The following SAMTOR variants were observed in gnomAD, a reference collection of about 807,000 sequenced individuals.
The protein encoded by SAMTOR is UPF0532 protein C7orf60.
chr7:112,845,008 T>C, the SAMTOR span, among the ~76,000 whole-genome samples: 3 of 152,094 alleles, frequency 2.0e-5, no homozygotes, highest in African/African-American at 7.2e-5. Context: ...GGACACTGAA[T>C]AAATGGTGCT....
chr7:112,932,951 T>C, the SAMTOR span, among the ~76,000 whole-genome samples: 2 of 152,236 alleles, frequency 1.3e-5, no homozygotes, highest in African/African-American at 4.8e-5. Flanking sequence ...AAAAACATTA[T>C]GCTGCTAAAC....
chr7:112,849,845 G>T, the SAMTOR span, among the ~76,000 whole-genome samples: 63 of 152,182 alleles, frequency 4.1e-4, no homozygotes, highest in Non-Finnish European at 7.9e-4. Context: ...TGTGTCTATT[G>T]AAGTGATCAT....
the SAMTOR span, among the ~76,000 whole-genome samples, chr7:112,916,990 T>G: frequency 2.2e-4 from 34 of 152,210 alleles, no homozygotes; most frequent in African/African-American, 8.0e-4. Context: ...CCTGCCTGCC[T>G]GCCTCTGTAG....
chr7:112,838,191 A>G, the SAMTOR span, among the ~76,000 whole-genome samples: 1 of 151,956 alleles, frequency 6.6e-6, no homozygotes, highest in South Asian at 2.1e-4. Context: ...ATTTTTTGCC[A>G]CAAGTATTGA....
chr7:112,880,992 C>T, the SAMTOR span, among the ~76,000 whole-genome samples: 2 of 151,940 alleles, frequency 1.3e-5, no homozygotes, highest in African/African-American at 2.4e-5. Flanking sequence ...AAGAGCCCCA[C>T]CCTCCTGGGC....
chr7:112,822,514 GA>G, the SAMTOR span: 1 of 740,224 alleles, frequency 1.4e-6, no homozygotes, highest in African/African-American at 1.8e-5. Flanking sequence ...TATTAAACTT[GA>G]ACAGATGTAT....
the SAMTOR span, among the ~76,000 whole-genome samples, chr7:112,886,149 T>C: frequency 2.0e-5 from 3 of 152,226 alleles, no homozygotes; most frequent in Admixed American, 6.5e-5. Context: ...ACCACCCCCA[T>C]GATTTAATTA....
At chr7:112,869,743 G>A in the SAMTOR span, among the ~76,000 whole-genome samples, 804 of 152,242 alleles carry the variant, frequency 5.3e-3, 6 homozygotes, top group African/African-American at 0.018. Context: ...TGACTGAAAT[G>A]ATACAGAATT....
the SAMTOR span, among the ~76,000 whole-genome samples, chr7:112,875,259 C>T: frequency 6.6e-6 from 1 of 152,126 alleles, no homozygotes; most frequent in Admixed American, 6.5e-5. Flanking sequence ...TAGTTGTGGT[C>T]ACTGGGTTGA....
the SAMTOR span, among the ~76,000 whole-genome samples, chr7:112,834,782 T>C: frequency 1.3e-5 from 2 of 152,110 alleles, no homozygotes; most frequent in East Asian, 3.9e-4. Context: ...AGGTCAACAG[T>C]AGCCTAACGC....
At chr7:112,832,826 T>TATCTATTAATA in the SAMTOR span, 1 of 581,466 alleles carries the variant, frequency 1.7e-6, no homozygotes, top group East Asian at 2.9e-5. Flanking sequence ...CTGTGAGTTA[T>TATCTATTAATA]ATCTATTAAT....
the SAMTOR span, among the ~76,000 whole-genome samples, chr7:112,894,609 A>G: frequency 6.6e-6 from 1 of 152,132 alleles, no homozygotes; most frequent in African/African-American, 2.4e-5. Context: ...GGCAAGAGAG[A>G]ATGAGAGCCA....
At chr7:112,914,183 G>A in the SAMTOR span, among the ~76,000 whole-genome samples, 22 of 150,846 alleles carry the variant, frequency 1.5e-4, no homozygotes, top group African/African-American at 5.1e-4. Context: ...AAAATGGAAA[G>A]AAAATGTAAA....
At chr7:112,841,050 C>T in the SAMTOR span, among the ~76,000 whole-genome samples, 4 of 151,942 alleles carry the variant, frequency 2.6e-5, no homozygotes, top group African/African-American at 9.7e-5. Context: ...TCTCACGACT[C>T]CTATTCAACA....
chr7:112,886,686 C>A, the SAMTOR span, among the ~76,000 whole-genome samples: 7 of 152,286 alleles, frequency 4.6e-5, no homozygotes, highest in African/African-American at 1.7e-4. Context: ...TTGGGGAAAA[C>A]TAACACTGGC....
the SAMTOR span, among the ~76,000 whole-genome samples, chr7:112,925,582 T>C: frequency 6.6e-6 from 1 of 151,828 alleles, no homozygotes; most frequent in African/African-American, 2.4e-5. Context: ...TTACCTGAGG[T>C]CAGGAGTTTG....
the SAMTOR span, among the ~76,000 whole-genome samples, chr7:112,926,569 G>C: frequency 6.6e-6 from 1 of 152,168 alleles, no homozygotes; most frequent in Non-Finnish European, 1.5e-5. Flanking sequence ...GGAGTCTGCA[G>C]ACTCTCACAA....
chr7:112,924,542 G>A, the SAMTOR span, among the ~76,000 whole-genome samples: 1 of 152,022 alleles, frequency 6.6e-6, no homozygotes, highest in African/African-American at 2.4e-5. Context: ...TCTGAGTCTT[G>A]GCCTGAATAC....
At chr7:112,897,808 G>T in the SAMTOR span, among the ~76,000 whole-genome samples, 1 of 152,120 alleles carries the variant, frequency 6.6e-6, no homozygotes, top group African/African-American at 2.4e-5. Context: ...AGACCTGCAA[G>T]AATATCAAAT....
Sources: allele counts gnomAD v4.1 joint callset (sites outside exome capture counted in the v4.1 genomes callset), GRCh38; gene constraint gnomAD v4.1.1; transcripts MANE v1.5; gene names NCBI Gene and HGNC (gene_info 2026-07-23, HGNC 2026-07-21).